Variants in PARD3B observed in about 807,000 individuals in gnomAD.
PARD3B encodes the protein partitioning defective 3 homolog B.
PARD3B carries 103 observed loss-of-function variants against 130.2 expected under a neutral mutation model. That is an observed-to-expected ratio of 0.79 (90% CI 0.67 to 0.93). The LOEUF (loss-of-function observed/expected upper bound fraction) is 0.93. Ranked by LOEUF, PARD3B falls within the 40% of genes least tolerant of loss-of-function variation. The probability of loss-of-function intolerance (pLI) is 0.00; values close to 1 mark genes in which losing one functional copy is unlikely to be tolerated. For synonymous variants in PARD3B, 583 were observed against 553.2 expected, an observed-to-expected ratio of 1.05 and a Z score of -0.76; for missense variants, 1,609 against 1,499.2, an observed-to-expected ratio of 1.07 and a Z score of -1.21.
chr2:204,810,381 T>C (rs1383373769), intron 2 of PARD3B, among the ~76,000 whole-genome samples: 1 of 152,204 alleles, frequency 6.6e-6, no homozygotes, highest in Non-Finnish European at 1.5e-5. Flanking sequence ...GGCTGTGGGT[T>C]TGTCATACAT....
chr2:205,454,044 A>G (rs923306198), intron 20 of PARD3B, among the ~76,000 whole-genome samples: 1 of 152,210 alleles, frequency 6.6e-6, no homozygotes, highest in Admixed American at 6.5e-5. Context: ...TAAAAAAATT[A>G]TATGTATGTT....
At chr2:205,381,116 TTA>T (rs36172602) in intron 18 of PARD3B, among the ~76,000 whole-genome samples, 16,861 of 84,634 alleles carry the variant, frequency 0.2, 2,693 homozygotes, top group African/African-American at 0.31. Flanking sequence ...AGAATATATA[TTA>T]TATATATTAT....
At chr2:205,087,331 A>C (rs1197803939) in intron 4 of PARD3B, among the ~76,000 whole-genome samples, 1 of 152,218 alleles carries the variant, frequency 6.6e-6, no homozygotes, top group African/African-American at 2.4e-5. Flanking sequence ...TGTCCATCAT[A>C]TAATGTACTT....
intron 21 of PARD3B, among the ~76,000 whole-genome samples, chr2:205,500,555 A>G (rs916396779): frequency 6.6e-6 from 1 of 152,122 alleles, no homozygotes; most frequent in African/African-American, 2.4e-5. Flanking sequence ...TTTGACATTC[A>G]GGGAACAGAA....
chr2:204,667,921 G>T (rs2036100340), intron 1 of PARD3B, among the ~76,000 whole-genome samples: 1 of 152,086 alleles, frequency 6.6e-6, no homozygotes, highest in Non-Finnish European at 1.5e-5. Context: ...AGACAAATAA[G>T]AAAAAGTATG....
chr2:204,572,344 A>G (rs1394906816), intron 1 of PARD3B, among the ~76,000 whole-genome samples: 3 of 152,066 alleles, frequency 2.0e-5, no homozygotes, highest in Non-Finnish European at 4.4e-5. Context: ...TGTAGTGGGA[A>G]TGAGGGGCAG....
In PARD3B at chr2:205,125,712, A is replaced by G. The variant is rs2031305855; in HGVS notation, c.1409A>G (p.Glu470Gly). The part of the protein sequence containing the change: ...ETASLVIARQ[E>G]GHFLPRELKG... Reference sequence around the variant, plus strand: ...GCATCGCTGGTCATTGCCCGCCAAGAAGGACATTTTCTGCCCCGAGAGTTG... The same window carrying G: ...GCATCGCTGGTCATTGCCCGCCAAGGAGGACATTTTCTGCCCCGAGAGTTG... Residue 470 changes from glutamate to glycine, a missense_variant, in exon 10 of 23, where the codon GAA (glutamate) becomes GGA (glycine). Transcript: ENST00000406610. The surrounding 1 kb of genome is among the most constrained non-coding windows in gnomAD (Gnocchi z 4.0). The G allele has an allele frequency of 6.2e-7, 1 of 1,614,052 alleles. No homozygotes were observed. Among genetic ancestry groups the G allele is most frequent in the Non-Finnish European group, 8.5e-7 (1 of 1,180,038 alleles).
intron 2 of PARD3B, among the ~76,000 whole-genome samples, chr2:204,697,849 C>T (rs992091364): frequency 3.3e-5 from 5 of 152,080 alleles, no homozygotes; most frequent in Admixed American, 2.6e-4. Flanking sequence ...TTCCCTGTGA[C>T]AGTGATTACT....
At chr2:205,566,405 G>C (rs2053334464) in intron 22 of PARD3B, among the ~76,000 whole-genome samples, 1 of 152,178 alleles carries the variant, frequency 6.6e-6, no homozygotes, top group African/African-American at 2.4e-5. Context: ...CAGAATCGGA[G>C]AGAAGTGGGA....
At chr2:205,216,806 C>T (rs1183964535) in intron 15 of PARD3B, among the ~76,000 whole-genome samples, 5 of 152,036 alleles carry the variant, frequency 3.3e-5, no homozygotes, top group African/African-American at 4.8e-5. Flanking sequence ...CTCAGGGATC[C>T]GTACCAAACT....
At position 204,950,005 on chromosome 2, in the gene PARD3B, A is replaced by G. The variant is rs144175181; in HGVS notation, c.223-15147A>G. ...GGATGAATAAGACTTTTGATCAATA[A>G]TGATAGTGATGATTACAATAATAGC... On this transcript the variant is annotated intron_variant, in intron 2 of 22. Coordinates refer to ENST00000406610, the MANE Select transcript of PARD3B (RefSeq NM_001302769.2). Among the ~76,000 whole-genome samples the G allele has an allele frequency of 7.9e-5, 12 of 152,348 alleles. 1 individual carries two copies. In the East Asian group the frequency reaches 2.3e-3, roughly 29 times the overall value.
chr2:204,700,746 T>A (rs1559070700), intron 2 of PARD3B, among the ~76,000 whole-genome samples: 1 of 152,230 alleles, frequency 6.6e-6, no homozygotes, highest in East Asian at 1.9e-4. Context: ...ATACATGATT[T>A]TCTTATTGTA....
chr2:205,016,969 G>A (rs1696195274), intron 3 of PARD3B, among the ~76,000 whole-genome samples: 1 of 152,172 alleles, frequency 6.6e-6, no homozygotes, highest in Non-Finnish European at 1.5e-5. Context: ...AGAGAAGCAA[G>A]AGTTTAAGGG....
intron 2 of PARD3B, among the ~76,000 whole-genome samples, chr2:204,764,713 T>TGC (rs1491265201): frequency 8.1e-6 from 1 of 123,106 alleles, no homozygotes; most frequent in Non-Finnish European, 1.6e-5. Flanking sequence ...CTGGCATGCA[T>TGC]GCGTGTGTGT....
intron 2 of PARD3B, among the ~76,000 whole-genome samples, chr2:204,913,534 A>G (rs564088770): frequency 2.2e-4 from 34 of 152,310 alleles, no homozygotes; most frequent in African/African-American, 7.7e-4. Context: ...TCTGTGAAAC[A>G]CTACATAGAC....
chr2:204,620,563 G>A (rs114020204), intron 1 of PARD3B, among the ~76,000 whole-genome samples: 1,912 of 152,282 alleles, frequency 0.013, 32 homozygotes, highest in African/African-American at 0.043. Flanking sequence ...GAACAGGGCC[G>A]TTATCTACCA....
At chr2:205,579,079 A>G (rs1390014166) in intron 22 of PARD3B, among the ~76,000 whole-genome samples, 2 of 152,366 alleles carry the variant, frequency 1.3e-5, no homozygotes, top group Non-Finnish European at 2.9e-5. Context: ...TATTCCCATA[A>G]AACAGCTTTT....
intron 4 of PARD3B, among the ~76,000 whole-genome samples, chr2:205,082,530 G>A (rs192010230): frequency 2.6e-5 from 4 of 152,124 alleles, no homozygotes; most frequent in East Asian, 1.9e-4. Flanking sequence ...AACTGATAAC[G>A]CAGAAAGCAA....
At chr2:204,962,887 T>C (rs934910560) in intron 2 of PARD3B, among the ~76,000 whole-genome samples, 3 of 152,186 alleles carry the variant, frequency 2.0e-5, no homozygotes, top group African/African-American at 7.2e-5. Flanking sequence ...GTCTAAGCAA[T>C]TGATTTTAAT....
Sources: gnomAD v4.1 joint callset for allele counts (sites outside exome capture counted in the v4.1 genomes callset) on GRCh38, gnomAD v4.1.1 for gene constraint, Gnocchi (gnomAD v3.1) non-coding constraint, MANE v1.5 for transcripts, NCBI Gene and HGNC (gene_info 2026-07-23, HGNC 2026-07-21) for gene names.